The following ECE2 variants were observed in gnomAD, a reference collection of about 807,000 sequenced individuals.
The protein encoded by ECE2 is endothelin converting enzyme 2, also known as endothelin-converting enzyme 2.
A neutral mutation model predicts 100.6 loss-of-function variants in ECE2; 81 were observed. The ratio of observed to expected loss-of-function variants is 0.81; its 90% CI spans 0.67 to 0.97. The LOEUF is 0.97. Among genes scored for constraint, ECE2 ranks in the 50% least tolerant of loss-of-function variants. The pLI, the probability that ECE2 is intolerant of heterozygous loss-of-function variation, is 0.00. For synonymous variants in ECE2, 391 were observed against 391.5 expected (o/e 1.00, Z 0.02); for missense variants, 911 against 988.1 (o/e 0.92, Z 1.05).
Position 184,289,762 on chromosome 3 carries a change from G to C in ECE2, c.1551+44G>C, listed in dbSNP as rs1293239094. 6.5e-7 allele frequency: 1 copy of C among 1,532,560 alleles called. No homozygotes were observed. Among genetic ancestry groups the C allele is most frequent in the Non-Finnish European group, 8.9e-7 (1 of 1,128,906 alleles). 94.9% of individuals were successfully genotyped at this position (1,532,560 alleles called of 1,614,324 possible). On this transcript the variant is annotated intron_variant, in intron 13 of 18. Transcript: ENST00000404464. This position sits in a 1 kb window ranked among gnomAD's most constrained non-coding sequence, Gnocchi z 4.1. Reference sequence around the variant, plus strand: ...CAGTACTGAACTTCAGCCCTGTAGAGGGCACTGTTCCCTGGGCTTAGAAAT... The same window carrying C: ...CAGTACTGAACTTCAGCCCTGTAGACGGCACTGTTCCCTGGGCTTAGAAAT...
rs1429831917 is a variant in ECE2 at position 184,289,062 on chromosome 3, G to C, written c.1375-375G>C. On this transcript the variant is annotated intron_variant, in intron 11 of 18. Transcript: ENST00000404464. The surrounding 1 kb of genome is among the most constrained non-coding windows in gnomAD (Gnocchi z 4.1). ...CCTAGCTACTTGGGAGGCTGAGGCA[G>C]GAGAATCGCTTGAACTCGGGAGGCG... Among the ~76,000 whole-genome samples, 1 of 151,998 alleles carries C rather than the reference G, an allele frequency of 6.6e-6. No individual in the cohort carries two copies. The highest frequency in any genetic ancestry group is 2.4e-5 in the African/African-American group (1 of 41,388).
chr3:184,285,695 G>A (rs1342067512), intron 10 of ECE2, 103 bp downstream of exon 10: 1 of 858,012 alleles, frequency 1.2e-6, no homozygotes, highest in Middle Eastern at 2.3e-4. Flanking sequence ...CAGGTGCATA[G>A]TATGGAGCGC....
intron 2 of ECE2, 117 bp from the exon 3 acceptor site, chr3:184,276,775 G>GC (rs1413034002): frequency 9.6e-6 from 15 of 1,560,848 alleles, no homozygotes; most frequent in African/African-American, 5.4e-5. Context: ...TGGCCTCATT[G>GC]CCCCCGGGCC....
chr3:184,286,754 G>A (rs1342832847), intron 10 of ECE2, among the ~76,000 whole-genome samples: 1 of 145,194 alleles, frequency 6.9e-6, no homozygotes, highest in Non-Finnish European at 1.5e-5. Flanking sequence ...CTGAGACTGC[G>A]TCATTGCACT....
chr3:184,292,123 G>T lies in ECE2; in HGVS notation c.2183G>T (p.Ser728Ile), dbSNP rs755379422. ...GAGGGGCTGGTGACCGACCCCCACA[G>T]CCCTGCCCGCTTCCGCGTGCTGGGC... ...SHEGLVTDPH[S>I]PARFRVLGTL... Residue 728 changes from serine to isoleucine, a missense_variant, in exon 19 of 19, where the codon AGC (serine) becomes ATC (isoleucine). Physicochemically the swap from Ser to Ile is moderately radical, Grantham distance 142 (BLOSUM62 -2). Transcript: ENST00000404464. 6.2e-7 allele frequency: 1 copy of T among 1,614,050 alleles called. No individual in the cohort carries two copies. The highest frequency in any genetic ancestry group is 8.5e-7 in the Non-Finnish European group (1 of 1,180,032).
Position 184,292,189 on chromosome 3 carries a change from G to A in ECE2, c.2249G>A (p.Cys750Tyr). Reference sequence around the variant, plus strand: ...CGTGACTTCCTGCGGCACTTCGGCTGCCCTGTCGGCTCCCCCATGAACCCA... The same window carrying A: ...CGTGACTTCCTGCGGCACTTCGGCTACCCTGTCGGCTCCCCCATGAACCCA... ...NSRDFLRHFG[C>Y]PVGSPMNPGQ... Residue 750 changes from cysteine (C) to tyrosine (Y), a missense_variant, in exon 19 of 19, where the codon TGC becomes TAC. Coordinates refer to ENST00000404464, the MANE Select transcript of ECE2 (RefSeq NM_001100121.2). The A allele has an allele frequency of 1.2e-6, 2 of 1,614,170 alleles. No homozygotes were observed. Among genetic ancestry groups the A allele is most frequent in the South Asian group, 1.1e-5 (1 of 91,086 alleles).
chr3:184,290,500 G>A, intron 14 of ECE2, 57 bp from the exon 15 acceptor site: 1 of 1,584,072 alleles, frequency 6.3e-7, no homozygotes, highest in Middle Eastern at 1.7e-4. Context: ...GGGCTGTTGG[G>A]AGGGGAGCAG....
chr3:184,290,538 C>T lies in ECE2; in HGVS notation c.1656-19C>T, dbSNP rs1281943686. 1 of 1,611,208 alleles carries T rather than the reference C, an allele frequency of 6.2e-7. No homozygotes were observed. Among genetic ancestry groups the T allele is most frequent in the Non-Finnish European group, 8.5e-7 (1 of 1,177,932 alleles). Reference sequence around the variant, plus strand: ...TCAGGAGAGTCGGGAGCCTCAGCCCCTCACTCTTCCTCCGCCAGGTGGAGC... The same window carrying T: ...TCAGGAGAGTCGGGAGCCTCAGCCCTTCACTCTTCCTCCGCCAGGTGGAGC... On this transcript the variant is annotated intron_variant, in intron 14 of 18. Coordinates refer to ENST00000404464, the MANE Select transcript of ECE2 (RefSeq NM_001100121.2).
At chr3:184,276,260 G>A in intron 1 of ECE2, 68 bp downstream of exon 1, 2 of 1,432,112 alleles carry the variant, frequency 1.4e-6, no homozygotes, top group East Asian at 2.5e-5. Context: ...GGGGTCGGCC[G>A]CGGAGGGGCA....
chr3:184,285,295 C>T (rs1417127728), intron 9 of ECE2, among the ~76,000 whole-genome samples, 183 bp from the exon 10 acceptor site: 1 of 152,118 alleles, frequency 6.6e-6, no homozygotes, highest in East Asian at 1.9e-4. Context: ...CTCTGTCCCC[C>T]CACTGCTCTC....
chr3:184,286,749 A>G (rs1721050519), intron 10 of ECE2, among the ~76,000 whole-genome samples: 1 of 149,316 alleles, frequency 6.7e-6, no homozygotes, highest in Admixed American at 6.7e-5. Context: ...GTGACCTGAG[A>G]CTGCGTCATT....
chr3:184,278,805 G>A lies in ECE2; in HGVS notation c.816+248G>A, dbSNP rs1720690805. The A allele has an allele frequency of 5.5e-6, 3 of 544,002 alleles. No individual in the cohort carries two copies. The Admixed American group carries it at 1.0e-4, about 19-fold the overall frequency. 33.7% of individuals were successfully genotyped at this position (544,002 alleles called of 1,614,324 possible). A position where few individuals can be genotyped will look rare whatever the true frequency, so the allele number is the denominator to read the frequency against. On this transcript the variant is annotated intron_variant, in intron 7 of 18. Coordinates refer to ENST00000404464, the MANE Select transcript of ECE2 (RefSeq NM_001100121.2). ...CACCTACTGTGTGCCAGGTCCAGTG[G>A]GGGAATTCTGAGATATAAGTTTCCG...
Position 184,276,083 on chromosome 3 carries a change from G to A in ECE2, c.-71G>A. ...GCTGGTGACGGCGGGGCCGGGCAGG[G>A]GACCGGGGCCGCGGCCCGGGAGCGG... On this transcript the variant is annotated 5_prime_UTR_variant, in exon 1 of 19. Coordinates refer to ENST00000404464, the MANE Select transcript of ECE2 (RefSeq NM_001100121.2). 1.6e-6 allele frequency: 2 copies of A among 1,243,730 alleles called. No homozygotes were observed. The highest frequency in any genetic ancestry group is 2.0e-6 in the Non-Finnish European group (2 of 994,536). 77.0% of individuals were successfully genotyped at this position (1,243,730 alleles called of 1,614,324 possible). A position where few individuals can be genotyped will look rare whatever the true frequency, so the allele number is the denominator to read the frequency against.
rs1234581564 is a variant in ECE2 at position 184,276,103 on chromosome 3, G to A, written c.-51G>A. 24 of 1,276,998 alleles carry A rather than the reference G, an allele frequency of 1.9e-5. 1 individual carries two copies. In the South Asian group the frequency reaches 6.3e-4, roughly 34 times the overall value. The allele number at this position is 1,276,998 out of a possible 1,614,324, so 79.1% of individuals were successfully genotyped here. A position where few individuals can be genotyped will look rare whatever the true frequency, so the allele number is the denominator to read the frequency against. On this transcript the variant is annotated 5_prime_UTR_variant, in exon 1 of 19. Coordinates refer to ENST00000404464, the MANE Select transcript of ECE2 (RefSeq NM_001100121.2). ...GCAGGGGACCGGGGCCGCGGCCCGG[G>A]AGCGGGCCAGCTGCCGGGAGCCCTG...
Position 184,278,252 on chromosome 3 carries a change from C to T in ECE2, c.689C>T (p.Thr230Ile), listed in dbSNP as rs182383220. ...LKAVAGTYRA[T>I]PFFTVYISAD... ...GCAGTAGCAGGGACCTACAGGGCCACCCCATTCTTCACCGTCTACATCAGT... is the reference window on the plus strand; with the variant it reads ...GCAGTAGCAGGGACCTACAGGGCCATCCCATTCTTCACCGTCTACATCAGT... Residue 230 changes from threonine (T) to isoleucine (I), a missense_variant, in exon 6 of 19, where the codon ACC becomes ATC. By Grantham distance (89) the Thr-to-Ile change is moderately conservative. Transcript: ENST00000404464. 1.9e-6 allele frequency: 3 copies of T among 1,614,192 alleles called. No homozygotes were observed. The highest frequency in any genetic ancestry group is 1.3e-5 in the African/African-American group (1 of 75,036).
chr3:184,281,401 C>T lies in ECE2; in HGVS notation c.817-2384C>T, dbSNP rs1720809852. ...ATGAAGGGAGAGGGCTCTACAAAGGCAACAGGTTATGCAAAGGCTCCAAGG... is the reference window on the plus strand; with the variant it reads ...ATGAAGGGAGAGGGCTCTACAAAGGTAACAGGTTATGCAAAGGCTCCAAGG... On this transcript the variant is annotated intron_variant, in intron 7 of 18. Coordinates refer to ENST00000404464, the MANE Select transcript of ECE2 (RefSeq NM_001100121.2). 2.0e-5 allele frequency among the ~76,000 whole-genome samples: 3 copies of T among 152,168 alleles called. No individual in the cohort carries two copies. The South Asian group carries it at 6.2e-4, about 32-fold the overall frequency.
chr3:184,277,340 G>A lies in ECE2; in HGVS notation c.352G>A (p.Glu118Lys). 1.2e-6 allele frequency: 2 copies of A among 1,614,264 alleles called. No homozygotes were observed. Among genetic ancestry groups the A allele is most frequent in the Non-Finnish European group, 8.5e-7 (1 of 1,180,052 alleles). The stretch of plus-strand genomic sequence containing the variant: ...CCTGGACCGAGGGGTGAGCCCCTGT[G>A]AGGACTTTTACCAGTTCTCCTGTGG... Reference protein sequence around the residue: ...ESLDRGVSPCEDFYQFSCGGW... With the variant: ...ESLDRGVSPCKDFYQFSCGGW... The change falls in exon 4 of 19, where the codon GAG becomes AAG. Residue 118 changes from glutamate to lysine, a missense_variant. By Grantham distance (56) the Glu-to-Lys change is moderately conservative. Coordinates refer to ENST00000404464, the MANE Select transcript of ECE2 (RefSeq NM_001100121.2).
Position 184,291,619 on chromosome 3 carries a change from GGCAGCCT to G in ECE2, c.2121+182_2121+188del, listed in dbSNP as rs1185462552. 4.9e-6 allele frequency: 3 copies of G among 609,298 alleles called. No homozygotes were observed. In the African/African-American group the frequency reaches 5.6e-5, roughly 11 times the overall value. The allele number at this position is 609,298 out of a possible 1,614,324, so 37.7% of individuals were successfully genotyped here. ...CCTCCGGCCAGCCAGGGCCCACAAA[GGCAGCCT>G]GAAGAGGCCTGAGCGGGAGAATGCC... On this transcript the variant is annotated intron_variant, in intron 18 of 18. Coordinates refer to ENST00000404464, the MANE Select transcript of ECE2 (RefSeq NM_001100121.2). The surrounding 1 kb of genome is among the most constrained non-coding windows in gnomAD (Gnocchi z 4.1).
intron 10 of ECE2, 129 bp downstream of exon 10, chr3:184,285,721 G>T: frequency 1.5e-6 from 1 of 688,316 alleles, no homozygotes. Context: ...TTGGAAGCAA[G>T]CCGACTTGCG....
Sources: allele counts gnomAD v4.1 joint callset (sites outside exome capture counted in the v4.1 genomes callset), GRCh38; gene constraint gnomAD v4.1.1; non-coding constraint Gnocchi (gnomAD v3.1); transcripts MANE v1.5; gene names NCBI Gene and HGNC (gene_info 2026-07-23, HGNC 2026-07-21).